HUWE1: variants seen among roughly 807,000 people sequenced by gnomAD.
HUWE1 encodes the protein E3 ubiquitin-protein ligase HUWE1.
A neutral mutation model predicts 299.4 loss-of-function variants in HUWE1; 18 were observed. The ratio of observed to expected loss-of-function variants is 0.06; its 90% CI spans 0.04 to 0.09. The LOEUF (loss-of-function observed/expected upper bound fraction) is 0.09, where lower values mean the gene tolerates loss of function less well. Among genes scored for constraint, HUWE1 ranks in the 10% least tolerant of loss-of-function variants. The probability of loss-of-function intolerance (pLI) is 1.00; values close to 1 mark genes in which losing one functional copy is unlikely to be tolerated. For missense variants in HUWE1, 1,832 were observed against 3,462.3 expected, an observed-to-expected ratio of 0.53 and a Z score of 11.82; for synonymous variants, 1,317 against 1,286.1, an observed-to-expected ratio of 1.02 and a Z score of -0.51.
chrX:53,619,165 G>A, intron 19 of HUWE1, among the ~76,000 whole-genome samples: 1 of 111,274 alleles, frequency 9.0e-6, no homozygotes, highest in East Asian at 2.8e-4. Context: ...TAGGGGAATG[G>A]CAGATATATA....
At chrX:53,625,886 GCCGGT>G (rs2066470686) in intron 17 of HUWE1, 17 of 327,349 alleles carry the variant, frequency 5.2e-5, no homozygotes, top group South Asian at 2.3e-4. Flanking sequence ...CGGGGCCAGG[GCCGGT>G]GCCGGGGCCG....
intron 26 of HUWE1, 137 bp downstream of exon 26, chrX:53,604,452 C>G: frequency 1.5e-6 from 1 of 677,024 alleles, no homozygotes; most frequent in Non-Finnish European, 2.3e-6. Context: ...TCAAAAAAAT[C>G]TCATCCTAAA....
chrX:53,631,719 T>C (rs1356447126), intron 9 of HUWE1, 105 bp from the exon 10 acceptor site: 4 of 567,877 alleles, frequency 7.0e-6, no homozygotes, highest in Non-Finnish European at 1.2e-5. Context: ...TGTCACCTAA[T>C]AGGCTGAAGC....
At chrX:53,627,160 G>A (rs2066567262) in intron 17 of HUWE1, among the ~76,000 whole-genome samples, 1 of 111,407 alleles carries the variant, frequency 9.0e-6, no homozygotes, top group Non-Finnish European at 1.9e-5. Flanking sequence ...AAATAAAACA[G>A]ATTAACACCA....
At chrX:53,575,537 T>C (rs2063061282) in intron 45 of HUWE1, 106 bp downstream of exon 45, 6 of 889,596 alleles carry the variant, frequency 6.7e-6, no homozygotes, top group Non-Finnish European at 9.7e-6. Flanking sequence ...TACAGATACA[T>C]CACAATTAAT....
At chrX:53,684,269 C>T (rs1163719120) in intron 2 of HUWE1, 1 of 152,090 alleles carries the variant, frequency 6.6e-6, no homozygotes, top group Non-Finnish European at 1.3e-5. Flanking sequence ...GGATGCCGCC[C>T]GCGCCTCGCC....
chrX:53,542,812 G>C, intron 73 of HUWE1: 1 of 355,205 alleles, frequency 2.8e-6, no homozygotes, highest in South Asian at 3.6e-5. Context: ...GTCAGAACTA[G>C]CCTCCTGTAT....
chrX:53,570,300 CAT>C lies in HUWE1; in HGVS notation c.6313-475_6313-474del, dbSNP rs782152927. 4.3e-4 allele frequency among the ~76,000 whole-genome samples: 48 copies of C among 112,255 alleles called. No homozygotes were observed. The East Asian group carries it at 0.012, about 29-fold the overall frequency. On this transcript the variant is annotated intron_variant, in intron 47 of 83. Transcript: ENST00000262854. ...TTGCACCTATCTTAAAATATTTTCA[CAT>C]GTGATATTTAATAGAACTACTTACA...
chrX:53,622,631 A>G lies in HUWE1; in HGVS notation c.1672+1964T>C, dbSNP rs781925461. ...AGGCCTAAGAAGCCCTCAATGAGGG[A>G]CAAAGCAGTTTAGTTACTATGATAG... On this transcript the variant is annotated intron_variant, in intron 19 of 83. Transcript: ENST00000262854. Among the ~76,000 whole-genome samples the G allele has an allele frequency of 3.6e-5, 4 of 111,645 alleles. No homozygotes were observed. In the East Asian group the frequency reaches 1.1e-3, roughly 31 times the overall value.
intron 46 of HUWE1, among the ~76,000 whole-genome samples, chrX:53,574,196 T>G (rs1289369450): frequency 1.8e-5 from 2 of 112,071 alleles, no homozygotes; most frequent in Admixed American, 1.9e-4. Context: ...TCTCCCTCCA[T>G]TTCCCTCCTT....
intron 3 of HUWE1, among the ~76,000 whole-genome samples, chrX:53,673,659 C>T (rs1400844769): frequency 9.0e-6 from 1 of 111,667 alleles, no homozygotes; most frequent in Non-Finnish European, 1.9e-5. Flanking sequence ...CCACTTGTGG[C>T]ATCGTGTTGA....
At chrX:53,546,380 G>A (rs782150722) in intron 70 of HUWE1, 56 bp downstream of exon 70, 2 of 1,097,970 alleles carry the variant, frequency 1.8e-6, no homozygotes, top group Non-Finnish European at 2.5e-6. Flanking sequence ...TCCAGAAAGA[G>A]GAAGCACCTA....
At chrX:53,629,467 T>C in intron 13 of HUWE1, 49 bp downstream of exon 13, 1 of 838,947 alleles carries the variant, frequency 1.2e-6, no homozygotes, top group Non-Finnish European at 1.8e-6. Flanking sequence ...AAAATACTTC[T>C]GGTCCCAAGT....
intron 50 of HUWE1, 65 bp downstream of exon 50, chrX:53,565,002 T>C: frequency 9.2e-7 from 1 of 1,090,657 alleles, no homozygotes; most frequent in Non-Finnish European, 1.3e-6. Flanking sequence ...GCCAGAACAG[T>C]TGTGATCCCA....
intron 2 of HUWE1, among the ~76,000 whole-genome samples, chrX:53,682,336 CCAAAACACACA>C (rs2070203024): frequency 9.0e-6 from 1 of 111,610 alleles, no homozygotes; most frequent in Non-Finnish European, 1.9e-5. Context: ...CAAAACACAC[CCAAAACACACA>C]CTATTAATTT....
Position 53,551,375 on chromosome X carries a change from C to T in HUWE1, c.8987G>A (p.Arg2996Gln), listed in dbSNP as rs958959988. 1.7e-5 allele frequency: 21 copies of T among 1,209,442 alleles called. No homozygotes were observed. The highest frequency in any genetic ancestry group is 4.4e-5 in the Admixed American group (2 of 45,861). The change falls in exon 64 of 84, where the codon CGG (arginine) becomes CAG (glutamine). Residue 2996 changes from arginine (R) to glutamine (Q), a missense_variant. Coordinates refer to ENST00000262854, the MANE Select transcript of HUWE1 (RefSeq NM_031407.7). ...TGAGCTATTTGTGGAGGGGGCAGTC[C>T]GGGTTGGTGGACGAATGCCTAGCTG... ...QNQLGIRPPT[R>Q]TAPSTNSSAP...
intron 3 of HUWE1, among the ~76,000 whole-genome samples, chrX:53,669,909 CTAT>C (rs1418991950): frequency 3.6e-5 from 4 of 111,905 alleles, no homozygotes; most frequent in African/African-American, 1.3e-4. Flanking sequence ...AAGGTGTAAA[CTAT>C]TATTTTGTTT....
chrX:53,535,643 T>C, intron 80 of HUWE1, 142 bp from the exon 81 acceptor site: 1 of 511,747 alleles, frequency 2.0e-6, no homozygotes, highest in South Asian at 2.5e-5. Flanking sequence ...CTTTTTCTAC[T>C]ACTCATAGCT....
At position 53,538,896 on chromosome X, in the gene HUWE1, G is replaced by A; in HGVS notation, c.11817C>T (p.Pro3939=). Residue 3939 remains proline, a synonymous_variant, in exon 76 of 84, where the codon CCC becomes CCT. Coordinates refer to ENST00000262854, the MANE Select transcript of HUWE1 (RefSeq NM_031407.7). ...SSLDPFFSRE[P]SSMHISSSLP... is the part of the protein sequence containing the mutation. Reference sequence around the variant, plus strand: ...GGCTTGAGGAGATGTGCATAGATGAGGGCTCCCGGGAGAAGAATGGGTCAA... The same window carrying A: ...GGCTTGAGGAGATGTGCATAGATGAAGGCTCCCGGGAGAAGAATGGGTCAA... 8.3e-7 allele frequency: 1 copy of A among 1,206,163 alleles called. No individual in the cohort carries two copies. Among genetic ancestry groups the A allele is most frequent in the Non-Finnish European group, 1.1e-6 (1 of 892,242 alleles).
Sources: allele counts gnomAD v4.1 joint callset (sites outside exome capture counted in the v4.1 genomes callset), GRCh38; gene constraint gnomAD v4.1.1; transcripts MANE v1.5; gene names NCBI Gene and HGNC (gene_info 2026-07-23, HGNC 2026-07-21).